Variants in NFAT5 observed in about 807,000 individuals in gnomAD.
The protein encoded by NFAT5 is nuclear factor of activated T-cells 5.
In NFAT5, 31 loss-of-function variants were observed where a neutral mutation model predicts 166.5. The ratio of observed to expected loss-of-function variants is 0.19; its 90% CI spans 0.14 to 0.25. NFAT5 has a LOEUF of 0.25. Among genes scored for constraint, NFAT5 ranks in the 10% least tolerant of loss-of-function variants. NFAT5 has a pLI of 1.00. For missense variants in NFAT5, 1,449 were observed against 1,821.8 expected (o/e 0.80, Z 3.72); for synonymous variants, 612 against 639.7 (o/e 0.96, Z 0.65).
At chr16:69,689,011 C>A (rs938655559) in intron 11 of NFAT5, among the ~76,000 whole-genome samples, 1 of 152,206 alleles carries the variant, frequency 6.6e-6, no homozygotes, top group Admixed American at 6.5e-5. Context: ...TGGTGGCTCA[C>A]GCCTATAATC....
chr16:69,662,454 T>C (rs8055991), intron 7 of NFAT5, among the ~76,000 whole-genome samples: 19 of 74,030 alleles, frequency 2.6e-4, no homozygotes, highest in African/African-American at 1.1e-3. Context: ...CTCTTTCTTT[T>C]TTTTTTTTTT....
At chr16:69,607,080 T>C (rs1179071511) in intron 2 of NFAT5, among the ~76,000 whole-genome samples, 1 of 152,222 alleles carries the variant, frequency 6.6e-6, no homozygotes, top group Non-Finnish European at 1.5e-5. Flanking sequence ...CTAGGTGTGT[T>C]CTACACATTA....
intron 2 of NFAT5, among the ~76,000 whole-genome samples, chr16:69,614,712 T>C (rs1201096895): frequency 6.6e-6 from 1 of 152,188 alleles, no homozygotes; most frequent in Non-Finnish European, 1.5e-5. Context: ...TTTTTCACCT[T>C]GTCCTTAGAT....
intron 9 of NFAT5, among the ~76,000 whole-genome samples, chr16:69,674,050 C>T (rs2036732611): frequency 6.6e-6 from 1 of 151,932 alleles, no homozygotes; most frequent in African/African-American, 2.4e-5. Flanking sequence ...CGCGACCAGC[C>T]TAGACAATAT....
intron 2 of NFAT5, among the ~76,000 whole-genome samples, chr16:69,624,255 G>T (rs1169933528): frequency 6.6e-6 from 1 of 151,998 alleles, no homozygotes; most frequent in Non-Finnish European, 1.5e-5. Flanking sequence ...GCCCAGGCTG[G>T]AGTGCAATGG....
In NFAT5 at chr16:69,570,715, G is replaced by A. The variant is rs149402202; in HGVS notation, c.127+2167G>A. Among the ~76,000 whole-genome samples, 338 of 152,262 alleles carry A rather than the reference G, an allele frequency of 2.2e-3. 2 individuals carry two copies. The highest frequency in any genetic ancestry group is 5.8e-3 in the South Asian group (28 of 4,828). ...TTTTCAAGACAGAGTGCTGCAGGAG[G>A]CTACCGCTTCTAGTATATAGTATAT... On this transcript the variant is annotated intron_variant, in intron 2 of 14. Coordinates refer to ENST00000349945, the MANE Select transcript of NFAT5 (RefSeq NM_138713.4).
chr16:69,582,590 C>T (rs146027004), intron 2 of NFAT5, among the ~76,000 whole-genome samples: 1 of 150,134 alleles, frequency 6.7e-6, no homozygotes, highest in African/African-American at 2.5e-5. Flanking sequence ...TATCTAGTTG[C>T]CTGAGCACTA....
chr16:69,584,553 T>C lies in NFAT5; in HGVS notation c.127+16005T>C, dbSNP rs142591938. On this transcript the variant is annotated intron_variant, in intron 2 of 14. Coordinates refer to ENST00000349945, the MANE Select transcript of NFAT5 (RefSeq NM_138713.4). Reference sequence around the variant, plus strand: ...CCATGTTGGCCAGGCTGGTCTCGAATTCCTGACCTTAAGTAATCCACCTGC... The same window carrying C: ...CCATGTTGGCCAGGCTGGTCTCGAACTCCTGACCTTAAGTAATCCACCTGC... Among the ~76,000 whole-genome samples, 5 of 152,104 alleles carry C rather than the reference T, an allele frequency of 3.3e-5. No individual in the cohort carries two copies. In the East Asian group the frequency reaches 9.7e-4, roughly 29 times the overall value.
At chr16:69,671,190 G>A (rs1045104774) in intron 9 of NFAT5, among the ~76,000 whole-genome samples, 2 of 152,120 alleles carry the variant, frequency 1.3e-5, no homozygotes, top group Non-Finnish European at 2.9e-5. Context: ...CAAGACTGTT[G>A]CCACTTCATA....
rs1567625158 is a variant in NFAT5 at position 69,702,476 on chromosome 16, A to G, written c.*6125A>G. 1 of 152,268 alleles carries G rather than the reference A, an allele frequency of 6.6e-6. No individual in the cohort carries two copies. Among genetic ancestry groups the G allele is most frequent in the Non-Finnish European group, 1.5e-5 (1 of 68,040 alleles). 9.4% of individuals were successfully genotyped at this position (152,268 alleles called of 1,614,324 possible). A position where few individuals can be genotyped will look rare whatever the true frequency, so the allele number is the denominator to read the frequency against. On this transcript the variant is annotated 3_prime_UTR_variant, in exon 15 of 15. Transcript: ENST00000349945. ...TGTCTATATATTTTGTGCCATGTAT[A>G]TAAGAACATTACAATATATCTTTTT...
intron 5 of NFAT5, 59 bp downstream of exon 5, chr16:69,653,487 G>T: frequency 1.0e-6 from 1 of 968,398 alleles, no homozygotes; most frequent in Admixed American, 3.4e-5. Flanking sequence ...ATGAGAATAT[G>T]TCCTGAAAAG....
Position 69,701,483 on chromosome 16 carries a change from T to C in NFAT5, c.*5132T>C, listed in dbSNP as rs1186377784. The C allele has an allele frequency of 6.6e-6, 1 of 152,660 alleles. No individual in the cohort carries two copies. The highest frequency in any genetic ancestry group is 6.5e-5 in the Admixed American group (1 of 15,280). 9.5% of individuals were successfully genotyped at this position (152,660 alleles called of 1,614,324 possible). A position where few individuals can be genotyped will look rare whatever the true frequency, so the allele number is the denominator to read the frequency against. On this transcript the variant is annotated 3_prime_UTR_variant, in exon 15 of 15. Coordinates refer to ENST00000349945, the MANE Select transcript of NFAT5 (RefSeq NM_138713.4). ...AGCTTTTACTTTTTCCATTTAAACC[T>C]TCTTTTCTCCATTTCTTCCCTTTGG...
chr16:69,691,982 C>T lies in NFAT5; in HGVS notation c.2157C>T (p.Ser719=), dbSNP rs531151605. Reference sequence around the variant, plus strand: ...CTGCTTCTAGTCAGCTGCCCAACAGCGATGCACTATTGCAGCAGGCTACAC... The same window carrying T: ...CTGCTTCTAGTCAGCTGCCCAACAGTGATGCACTATTGCAGCAGGCTACAC... ...AVSASSQLPN[S]DALLQQATQF... Residue 719 remains serine, a synonymous_variant, in exon 13 of 15, where the codon AGC becomes AGT. Transcript: ENST00000349945. 32 of 1,614,082 alleles carry T rather than the reference C, an allele frequency of 2.0e-5. No homozygotes were observed. Among genetic ancestry groups the T allele is most frequent in the African/African-American group, 2.7e-5 (2 of 75,010 alleles).
At chr16:69,654,707 C>T (rs2035810903) in intron 5 of NFAT5, among the ~76,000 whole-genome samples, 1 of 152,228 alleles carries the variant, frequency 6.6e-6, no homozygotes, top group Admixed American at 6.5e-5. Flanking sequence ...TACACTCCTC[C>T]ATGTGCCAGG....
rs1427579071 is a variant in NFAT5, at chr16:69,566,965, C to T, written c.73+591C>T. On this transcript the variant is annotated intron_variant, in intron 1 of 14. Coordinates refer to ENST00000349945, the MANE Select transcript of NFAT5 (RefSeq NM_138713.4). This position sits in a 1 kb window ranked among gnomAD's most constrained non-coding sequence, Gnocchi z 5.7. ...AGCCCCCCTCGACCAGGCGTTCTTCCTTTCCTCGTCATCTTCTTGCTGGAA... is the reference window on the plus strand; with the variant it reads ...AGCCCCCCTCGACCAGGCGTTCTTCTTTTCCTCGTCATCTTCTTGCTGGAA... Among the ~76,000 whole-genome samples the T allele has an allele frequency of 4.6e-5, 7 of 152,168 alleles. No homozygotes were observed.
intron 5 of NFAT5, among the ~76,000 whole-genome samples, chr16:69,653,827 G>A (rs1407860394): frequency 6.6e-6 from 1 of 151,952 alleles, no homozygotes; most frequent in Non-Finnish European, 1.5e-5. Flanking sequence ...CCGCCTTGGA[G>A]GAAGAAATAT....
intron 2 of NFAT5, among the ~76,000 whole-genome samples, chr16:69,570,704 T>C (rs2016377409): frequency 6.6e-6 from 1 of 152,164 alleles, no homozygotes; most frequent in African/African-American, 2.4e-5. Flanking sequence ...CAAGACAGAG[T>C]GCTGCAGGAG....
chr16:69,692,844 G>C lies in NFAT5; in HGVS notation c.3019G>C (p.Asp1007His). 6.2e-7 allele frequency: 1 copy of C among 1,614,244 alleles called. No homozygotes were observed. Among genetic ancestry groups the C allele is most frequent in the Non-Finnish European group, 8.5e-7 (1 of 1,180,046 alleles). ...CATGTTTCAGACATCAAGTTCAGGA[G>C]ATGGAGAAGAAACTGGAACACAAGC... ...TTMFQTSSSG[D>H]GEETGTQAKQ... The change falls in exon 13 of 15, where the codon GAT becomes CAT. Residue 1007 changes from aspartate (D) to histidine (H), a missense_variant. This residue lies in a region of NFAT5 where 891 missense variants were observed against 993.0 expected (regional missense o/e 0.90). Transcript: ENST00000349945.
At chr16:69,689,594 A>G (rs2037466517) in intron 11 of NFAT5, among the ~76,000 whole-genome samples, 1 of 152,246 alleles carries the variant, frequency 6.6e-6, no homozygotes, top group African/African-American at 2.4e-5. Context: ...CCCAGCCTGC[A>G]GTACAGTAGA....
Sources: allele counts gnomAD v4.1 joint callset (sites outside exome capture counted in the v4.1 genomes callset), GRCh38; gene constraint gnomAD v4.1.1; regional missense constraint gnomAD v4.1.1; non-coding constraint Gnocchi (gnomAD v3.1); transcripts MANE v1.5; gene names NCBI Gene and HGNC (gene_info 2026-07-23, HGNC 2026-07-21).